CYP2C19: variants seen among roughly 807,000 people sequenced by gnomAD.
CYP2C19 encodes cytochrome P450 family 2 subfamily C member 19, also known as cytochrome P450 2C19.
In CYP2C19, 59 loss-of-function variants were observed where a neutral mutation model predicts 40.9. The observed-to-expected ratio is 1.44, with a 90% confidence interval of 1.17 to 1.79. The LOEUF (loss-of-function observed/expected upper bound fraction) is 1.79, where lower values mean the gene tolerates loss of function less well. CYP2C19 is among the 40% of genes most tolerant of loss of function. The pLI is 0.00. For synonymous variants in CYP2C19, 253 were observed against 208.7 expected, an observed-to-expected ratio of 1.21 and a Z score of -1.83; for missense variants, 754 against 596.9, an observed-to-expected ratio of 1.26 and a Z score of -2.74.
chr10:94,775,395 G>A lies in CYP2C19; in HGVS notation c.337G>A (p.Val113Ile), dbSNP rs145119820. 1.6e-4 allele frequency: 258 copies of A among 1,613,974 alleles called. 1 individual carries two copies. The African/African-American group carries it at 2.4e-3, about 15-fold the overall frequency. Residue 113 changes from valine to isoleucine, a missense_variant, in exon 3 of 9, where the codon GTT becomes ATT. Val to Ile is a conservative substitution (Grantham distance 29). Transcript: ENST00000371321. ...TTCGTTTCTCTTCCTGTTAGGAATC[G>A]TTTTCAGCAATGGAAAGAGATGGAA... is the stretch of plus-strand genomic sequence containing the variant. ...AERANRGFGI[V>I]FSNGKRWKEI...
At chr10:94,831,643 C>T (rs750203566) in intron 6 of CYP2C19, among the ~76,000 whole-genome samples, 2 of 152,142 alleles carry the variant, frequency 1.3e-5, no homozygotes, top group Admixed American at 6.5e-5. Context: ...TTACATTTCT[C>T]TGATGATCAG....
At position 94,788,493 on chromosome 10, in the gene CYP2C19, C is replaced by T. The variant is rs749446696; in HGVS notation, c.819+6496C>T. On this transcript the variant is annotated intron_variant, in intron 5 of 8. Coordinates refer to ENST00000371321, the MANE Select transcript of CYP2C19 (RefSeq NM_000769.4). Reference sequence around the variant, plus strand: ...ATACGCACCATGGTGGTTTGCTGCACCCATCATCCTGTCACCTACATGAGG... The same window carrying T: ...ATACGCACCATGGTGGTTTGCTGCATCCATCATCCTGTCACCTACATGAGG... 3.1e-4 allele frequency among the ~76,000 whole-genome samples: 47 copies of T among 152,062 alleles called. 1 individual carries two copies. Among genetic ancestry groups the T allele is most frequent in the Non-Finnish European group, 3.5e-4 (24 of 68,002 alleles).
At position 94,764,048 on chromosome 10, in the gene CYP2C19, C is replaced by T. The variant is rs145560495; in HGVS notation, c.168+1175C>T. Among the ~76,000 whole-genome samples the T allele has an allele frequency of 3.0e-3, 454 of 152,130 alleles. 2 individuals carry two copies. Among genetic ancestry groups the T allele is most frequent in the African/African-American group, 9.9e-3 (411 of 41,500 alleles). On this transcript the variant is annotated intron_variant, in intron 1 of 8. Transcript: ENST00000371321. ...ATTCCTCCTGGTGGGTTTCTGGTCT[C>T]GCTGGCTTCAGGAGTGAAGTTGCAG...
intron 1 of CYP2C19, among the ~76,000 whole-genome samples, chr10:94,763,732 G>A (rs1445064178): frequency 6.6e-6 from 1 of 151,904 alleles, no homozygotes; most frequent in Admixed American, 6.6e-5. Flanking sequence ...ATCACTTTCA[G>A]GGAGAGCAGT....
At chr10:94,803,805 T>C (rs1848797723) in intron 5 of CYP2C19, among the ~76,000 whole-genome samples, 1 of 151,996 alleles carries the variant, frequency 6.6e-6, no homozygotes, top group African/African-American at 2.4e-5. Flanking sequence ...GAGAGAGAGC[T>C]CCCCTGCGGC....
At chr10:94,801,436 G>C (rs1215617825) in intron 5 of CYP2C19, among the ~76,000 whole-genome samples, 1 of 152,182 alleles carries the variant, frequency 6.6e-6, no homozygotes, top group African/African-American at 2.4e-5. Flanking sequence ...GTTCTAAGTT[G>C]ATTGCACTGT....
Position 94,781,921 on chromosome 10 carries a change from T to G in CYP2C19, c.743T>G (p.Val248Gly). 3 of 1,504,390 alleles carry G rather than the reference T, an allele frequency of 2.0e-6. No homozygotes were observed. Among genetic ancestry groups the G allele is most frequent in the Non-Finnish European group, 2.6e-6 (3 of 1,138,160 alleles). The allele number at this position is 1,504,390 out of a possible 1,614,324, so 93.2% of individuals were successfully genotyped here. ...ATGGAAAGTGATATTTTGGAGAAAG[T>G]AAAAGAACACCAAGAATCGATGGAC... Reference protein sequence around the residue: ...AFMESDILEKVKEHQESMDIN... With the variant: ...AFMESDILEKGKEHQESMDIN... The change falls in exon 5 of 9, where the codon GTA becomes GGA. Residue 248 changes from valine (V) to glycine (G), a missense_variant. Coordinates refer to ENST00000371321, the MANE Select transcript of CYP2C19 (RefSeq NM_000769.4).
Position 94,797,418 on chromosome 10 carries a change from A to T in CYP2C19, c.819+15421A>T, listed in dbSNP as rs573440896. ...CCAGTATTTTTTTGAAGATTTTTGC[A>T]TCGATGTTCTTCAGGCATATTGGCC... On this transcript the variant is annotated intron_variant, in intron 5 of 8. Coordinates refer to ENST00000371321, the MANE Select transcript of CYP2C19 (RefSeq NM_000769.4). 3.0e-4 allele frequency among the ~76,000 whole-genome samples: 46 copies of T among 151,928 alleles called. 1 individual carries two copies. Among genetic ancestry groups the T allele is most frequent in the Non-Finnish European group, 5.1e-4 (35 of 67,974 alleles).
intron 5 of CYP2C19, among the ~76,000 whole-genome samples, chr10:94,799,021 A>G (rs1285407970): frequency 6.6e-6 from 1 of 151,968 alleles, no homozygotes; most frequent in African/African-American, 2.4e-5. Context: ...TAATATTGTT[A>G]TATGAGAATT....
At chr10:94,790,762 T>TCA (rs1207331181) in intron 5 of CYP2C19, among the ~76,000 whole-genome samples, 1 of 152,152 alleles carries the variant, frequency 6.6e-6, no homozygotes, top group Non-Finnish European at 1.5e-5. Context: ...GCTGCTGGAT[T>TCA]CAGTTTGCCA....
chr10:94,819,197 C>G (rs1171284036), intron 5 of CYP2C19, among the ~76,000 whole-genome samples: 127 of 140,000 alleles, frequency 9.1e-4, no homozygotes, highest in Non-Finnish European at 1.5e-3. Context: ...CCAACGAGAA[C>G]AAAGACACAA....
intron 6 of CYP2C19, among the ~76,000 whole-genome samples, chr10:94,827,056 C>T (rs1224149054): frequency 8.6e-5 from 13 of 151,936 alleles, no homozygotes; most frequent in African/African-American, 1.5e-4. Context: ...CTGCTGGATT[C>T]GGTTTGCCAG....
intron 5 of CYP2C19, among the ~76,000 whole-genome samples, chr10:94,812,174 C>T (rs12572085): frequency 0.17 from 26,292 of 152,088 alleles, 2,508 homozygotes; most frequent in South Asian, 0.33. Context: ...GTTGAAAATT[C>T]TTTTCTTTAA....
chr10:94,813,284 T>G (rs1317716423), intron 5 of CYP2C19, among the ~76,000 whole-genome samples: 1 of 151,570 alleles, frequency 6.6e-6, no homozygotes, highest in South Asian at 2.1e-4. Flanking sequence ...GCCAAAGCTC[T>G]TTTGTATGAG....
chr10:94,820,078 G>T (rs1443525162), intron 5 of CYP2C19, among the ~76,000 whole-genome samples: 1 of 150,750 alleles, frequency 6.6e-6, no homozygotes, highest in African/African-American at 2.5e-5. Context: ...ATGCAAGGCT[G>T]GTTCAATATA....
At chr10:94,793,423 G>A (rs776320719) in intron 5 of CYP2C19, among the ~76,000 whole-genome samples, 2 of 152,174 alleles carry the variant, frequency 1.3e-5, no homozygotes, top group Non-Finnish European at 2.9e-5. Flanking sequence ...TTCCTTTGGA[G>A]GAGAAGAGGT....
In CYP2C19 at chr10:94,849,961, C is replaced by A. The variant is rs939780014; in HGVS notation, c.1194C>A (p.Asn398Lys). The change falls in exon 8 of 9, where the codon AAC (asparagine) becomes AAA (lysine). Residue 398 changes from asparagine (N) to lysine (K), a missense_variant. Physicochemically the swap from Asn to Lys is moderately conservative, Grantham distance 94 (BLOSUM62 0). Coordinates refer to ENST00000371321, the MANE Select transcript of CYP2C19 (RefSeq NM_000769.4). ...CCCTCACTTCTGTGCTACATGACAA[C>A]AAAGAATTTCCCAACCCAGAGATGT... ...LTSLTSVLHD[N>K]KEFPNPEMFD... The A allele has an allele frequency of 6.2e-7, 1 of 1,613,766 alleles. No homozygotes were observed. Among genetic ancestry groups the A allele is most frequent in the Non-Finnish European group, 8.5e-7 (1 of 1,179,794 alleles).
rs183079706 is a variant in CYP2C19 at position 94,797,727 on chromosome 10, A to G, written c.819+15730A>G. On this transcript the variant is annotated intron_variant, in intron 5 of 8. Transcript: ENST00000371321. ...TCCTGGTTTAGTCTTGGGAGGGTGTATTTGTTCAGGAATTTATGCATTTCT... is the reference window on the plus strand; with the variant it reads ...TCCTGGTTTAGTCTTGGGAGGGTGTGTTTGTTCAGGAATTTATGCATTTCT... 1.7e-3 allele frequency among the ~76,000 whole-genome samples: 264 copies of G among 151,912 alleles called. 1 individual carries two copies. The highest frequency in any genetic ancestry group is 3.0e-3 in the Non-Finnish European group (207 of 67,976).
intron 2 of CYP2C19, 23 bp downstream of exon 2, chr10:94,775,243 C>A (rs757827433): frequency 2.3e-5 from 37 of 1,613,836 alleles, no homozygotes; most frequent in Middle Eastern, 1.7e-4. Context: ...GTGCCTGTTT[C>A]AGCATCTGTC....
Sources: gnomAD v4.1 joint callset for allele counts (sites outside exome capture counted in the v4.1 genomes callset) on GRCh38, gnomAD v4.1.1 for gene constraint, MANE v1.5 for transcripts, NCBI Gene and HGNC (gene_info 2026-07-23, HGNC 2026-07-21) for gene names.